The following ANO2 variants were observed in gnomAD, a reference collection of about 807,000 sequenced individuals.
ANO2 encodes anoctamin 2.
In ANO2, 101 loss-of-function variants were observed where a neutral mutation model predicts 124.2. That is an observed-to-expected ratio of 0.81 (90% CI 0.69 to 0.96). ANO2 has a LOEUF of 0.96. Among genes scored for constraint, ANO2 ranks in the 40% least tolerant of loss-of-function variants. ANO2 has a pLI of 0.00. For missense variants in ANO2, 1,293 were observed against 1,274.5 expected (o/e 1.01, Z -0.22); for synonymous variants, 486 against 482.5 (o/e 1.01, Z -0.09).
intron 14 of ANO2, among the ~76,000 whole-genome samples, chr12:5,676,518 G>T (rs251760): frequency 0.14 from 21,642 of 152,106 alleles, 2,093 homozygotes; most frequent in African/African-American, 0.28. Context: ...AGGATTAGGA[G>T]AAACTATACC....
At chr12:5,780,938 A>G (rs910155562) in intron 10 of ANO2, among the ~76,000 whole-genome samples, 1 of 152,244 alleles carries the variant, frequency 6.6e-6, no homozygotes, top group Non-Finnish European at 1.5e-5. Context: ...GTCCTTCCCT[A>G]GACATCTTTA....
intron 13 of ANO2, among the ~76,000 whole-genome samples, chr12:5,735,454 T>C (rs1950819330): frequency 6.6e-6 from 1 of 152,184 alleles, no homozygotes; most frequent in African/African-American, 2.4e-5. Context: ...CTGAGCTCTT[T>C]CCAGGCACTG....
intron 1 of ANO2, among the ~76,000 whole-genome samples, chr12:5,938,882 G>C (rs1942769491): frequency 6.6e-6 from 1 of 151,670 alleles, no homozygotes; most frequent in Admixed American, 6.6e-5. Context: ...TCCTGAGGTA[G>C]GCCACAGGAG....
At chr12:5,770,286 C>A (rs185475512) in intron 10 of ANO2, among the ~76,000 whole-genome samples, 18 of 152,266 alleles carry the variant, frequency 1.2e-4, no homozygotes, top group Admixed American at 6.5e-4. Context: ...CAAAGTGAAT[C>A]ATATTCTTCC....
chr12:5,669,682 T>C (rs1947896883), intron 14 of ANO2, among the ~76,000 whole-genome samples: 1 of 152,170 alleles, frequency 6.6e-6, no homozygotes, highest in Admixed American at 6.5e-5. Flanking sequence ...TTGTCATAAA[T>C]GGCTGGAAGT....
chr12:5,734,309 T>C (rs935337449), intron 13 of ANO2, among the ~76,000 whole-genome samples: 1 of 152,264 alleles, frequency 6.6e-6, no homozygotes, highest in African/African-American at 2.4e-5. Context: ...GAAGTATGGT[T>C]TGAGGTTCTC....
chr12:5,883,450 T>G (rs1591738594), intron 3 of ANO2, among the ~76,000 whole-genome samples: 1 of 151,944 alleles, frequency 6.6e-6, no homozygotes, highest in East Asian at 1.9e-4. Context: ...TGATTGGAAA[T>G]AGCACAAATC....
chr12:5,617,180 T>G (rs1944859336), intron 16 of ANO2, among the ~76,000 whole-genome samples: 1 of 151,206 alleles, frequency 6.6e-6, no homozygotes, highest in Non-Finnish European at 1.5e-5. Flanking sequence ...CATACTGCAC[T>G]CTCCAGATCA....
At chr12:5,630,677 G>A (rs886754841) in intron 16 of ANO2, among the ~76,000 whole-genome samples, 7 of 152,190 alleles carry the variant, frequency 4.6e-5, no homozygotes, top group East Asian at 3.8e-4. Flanking sequence ...AGAGAGAGAC[G>A]TATTTCACCA....
At chr12:5,907,591 A>G (rs796823400) in intron 3 of ANO2, among the ~76,000 whole-genome samples, 16 of 152,344 alleles carry the variant, frequency 1.1e-4, no homozygotes, top group African/African-American at 3.8e-4. Flanking sequence ...AGTTTCATTC[A>G]TTCAGAAAAT....
chr12:5,720,053 T>G (rs147168504), intron 14 of ANO2, among the ~76,000 whole-genome samples: 3 of 152,116 alleles, frequency 2.0e-5, no homozygotes, highest in Non-Finnish European at 4.4e-5. Context: ...AAAGTAATGC[T>G]TGGAAATAAT....
chr12:5,706,413 G>T (rs867345648), intron 14 of ANO2, among the ~76,000 whole-genome samples: 6 of 152,112 alleles, frequency 3.9e-5, no homozygotes, highest in African/African-American at 1.4e-4. Context: ...AACACATCAG[G>T]AATATACCTG....
chr12:5,687,527 T>C (rs1357847320), intron 14 of ANO2, among the ~76,000 whole-genome samples: 2 of 152,220 alleles, frequency 1.3e-5, no homozygotes, highest in Non-Finnish European at 2.9e-5. Flanking sequence ...GCTGGTCAGG[T>C]GGGGTCCTGA....
chr12:5,722,846 G>A (rs1315871522), intron 14 of ANO2, among the ~76,000 whole-genome samples: 2 of 152,192 alleles, frequency 1.3e-5, no homozygotes, highest in Non-Finnish European at 2.9e-5. Flanking sequence ...GCTAGCTCCG[G>A]CTGCTTTTAA....
intron 10 of ANO2, among the ~76,000 whole-genome samples, chr12:5,784,715 G>A (rs547050132): frequency 1.3e-5 from 2 of 152,270 alleles, no homozygotes; most frequent in East Asian, 1.9e-4. Flanking sequence ...AATGAAAGAA[G>A]GGCTGGGAAG....
intron 4 of ANO2, among the ~76,000 whole-genome samples, chr12:5,844,275 G>A (rs779338469): frequency 1.3e-5 from 2 of 152,194 alleles, no homozygotes; most frequent in Non-Finnish European, 2.9e-5. Context: ...GGTGTGGTTT[G>A]GAGAAGAGCA....
At chr12:5,873,212 T>G (rs1937837270) in intron 3 of ANO2, among the ~76,000 whole-genome samples, 1 of 65,876 alleles carries the variant, frequency 1.5e-5, no homozygotes, top group Non-Finnish European at 5.0e-5. Context: ...TCTCTCTCTC[T>G]CTCTCTCTCT....
At chr12:5,666,252 A>G (rs529604803) in intron 14 of ANO2, among the ~76,000 whole-genome samples, 2 of 152,362 alleles carry the variant, frequency 1.3e-5, no homozygotes, top group South Asian at 4.1e-4. Flanking sequence ...CAATGAATAC[A>G]TAACAGAAAT....
intron 1 of ANO2, among the ~76,000 whole-genome samples, chr12:5,936,280 T>C (rs368706096): frequency 2.6e-5 from 4 of 152,312 alleles, no homozygotes; most frequent in Non-Finnish European, 1.5e-5. Flanking sequence ...GTCCATTTTG[T>C]CTATTTTTTA....
Sources: gnomAD v4.1 joint callset for allele counts (sites outside exome capture counted in the v4.1 genomes callset) on GRCh38, gnomAD v4.1.1 for gene constraint, MANE v1.5 for transcripts, NCBI Gene and HGNC (gene_info 2026-07-23, HGNC 2026-07-21) for gene names.